The following CCPG1 variants were observed in gnomAD, a reference collection of about 807,000 sequenced individuals.
CCPG1 encodes cell cycle progression 1.
In CCPG1, 46 loss-of-function variants were observed where a neutral mutation model predicts 81.3. The ratio of observed to expected loss-of-function variants is 0.57; its 90% confidence interval spans 0.45 to 0.72. The LOEUF (loss-of-function observed/expected upper bound fraction) is 0.72. Ranked by LOEUF, CCPG1 falls within the 30% of genes least tolerant of loss-of-function variation. The pLI is 0.00. For missense variants in CCPG1, 902 were observed against 937.6 expected (o/e 0.96, Z 0.50); for synonymous variants, 330 against 305.2 (o/e 1.08, Z -0.85).
intron 1 of CCPG1, among the ~76,000 whole-genome samples, chr15:55,393,087 A>G (rs1429592072): frequency 6.7e-6 from 1 of 149,804 alleles, no homozygotes; most frequent in Non-Finnish European, 1.5e-5. Context: ...CTGGGCAACA[A>G]GAGGGAAACT....
At chr15:55,359,343 A>C in intron 8 of CCPG1, 196 bp downstream of exon 8, 4 of 1,327,660 alleles carry the variant, frequency 3.0e-6, no homozygotes, top group Non-Finnish European at 3.8e-6. Context: ...TGATCACGTT[A>C]TAATGAAATG....
intron 6 of CCPG1, among the ~76,000 whole-genome samples, chr15:55,368,836 G>A (rs1234723506): frequency 1.3e-5 from 2 of 152,202 alleles, no homozygotes; most frequent in Non-Finnish European, 2.9e-5. Context: ...AGCGGGCCAG[G>A]CACGGTGGCT....
rs1017699940 is a variant in CCPG1 at position 55,360,125 on chromosome 15, T to C, written c.1648A>G (p.Lys550Glu). Reference sequence around the variant, plus strand: ...GCTTCTTTTGTAGCACCAAATCTTTTATTACCCTTTTCATCAAAGATATTC... The same window carrying C: ...GCTTCTTTTGTAGCACCAAATCTTTCATTACCCTTTTCATCAAAGATATTC... The part of the protein sequence containing the change: ...TKNIFDEKGN[K>E]RFGATKEAAE... The change falls in exon 8 of 9, where the codon AAA (lysine) becomes GAA (glutamate). Residue 550 changes from lysine to glutamate, a missense_variant. Transcript: ENST00000442196. The C allele has an allele frequency of 2.2e-5, 36 of 1,613,830 alleles. No homozygotes were observed. The highest frequency in any genetic ancestry group is 3.3e-4 in the Middle Eastern group (2 of 6,082).
rs890584514 is a variant in CCPG1, at chr15:55,355,811, T to C, written c.*409A>G. ...TGAGTGTAAGATTATAAAATGTTAA[T>C]GATGAAATTCCAGAACAATGTACTT... On this transcript the variant is annotated 3_prime_UTR_variant, in exon 9 of 9. Coordinates refer to ENST00000442196, the MANE Select transcript of CCPG1 (RefSeq NM_001204450.2). 9.0e-6 allele frequency: 2 copies of C among 223,350 alleles called. No homozygotes were observed. The highest frequency in any genetic ancestry group is 2.3e-5 in the African/African-American group (1 of 43,356). 13.8% of individuals were successfully genotyped at this position (223,350 alleles called of 1,614,324 possible).
chr15:55,407,457 A>G (rs897914405), intron 1 of CCPG1, among the ~76,000 whole-genome samples: 2 of 152,194 alleles, frequency 1.3e-5, no homozygotes, highest in African/African-American at 4.8e-5. Context: ...TAAAATTCAT[A>G]GTACTATATA....
intron 4 of CCPG1, among the ~76,000 whole-genome samples, chr15:55,377,586 C>A (rs549914): frequency 0.54 from 82,806 of 152,100 alleles, 23,807 homozygotes; most frequent in African/African-American, 0.72. Context: ...GGTGTCCCCA[C>A]AAATTTCTAC....
chr15:55,405,377 T>G (rs535517446), intron 1 of CCPG1, among the ~76,000 whole-genome samples: 1 of 151,324 alleles, frequency 6.6e-6, no homozygotes, highest in South Asian at 2.1e-4. Flanking sequence ...AAAAATTTAG[T>G]GGGGCATGGT....
rs57419686 is a variant in CCPG1 at position 55,396,154 on chromosome 15, C to CA, written c.-9-6722dup. On this transcript the variant is annotated intron_variant, in intron 1 of 8. Transcript: ENST00000442196. ...GGGCAACAGAGCAAGACTCCACCTC[C>CA]AAAAAAAAAAAAAAAAAAGAACTCA... 1.1e-3 allele frequency among the ~76,000 whole-genome samples: 131 copies of CA among 123,028 alleles called. 1 individual carries two copies. Among genetic ancestry groups the CA allele is most frequent in the Admixed American group, 4.5e-3 (54 of 12,058 alleles). The allele number at this position is 123,028 out of a possible 152,430, so 80.7% of individuals were successfully genotyped here.
At chr15:55,364,114 G>A (rs995212310) in intron 7 of CCPG1, among the ~76,000 whole-genome samples, 3 of 150,316 alleles carry the variant, frequency 2.0e-5, no homozygotes, top group Non-Finnish European at 4.5e-5. Context: ...CCCAGACATA[G>A]CTTATTTTTC....
intron 1 of CCPG1, among the ~76,000 whole-genome samples, chr15:55,395,066 T>C (rs1354075690): frequency 6.6e-6 from 1 of 152,174 alleles, no homozygotes; most frequent in Non-Finnish European, 1.5e-5. Context: ...ATTAAAGCCT[T>C]CTTCCCTGGC....
Position 55,380,298 on chromosome 15 carries a change from T to G in CCPG1, c.176-1922A>C, listed in dbSNP as rs948475530. On this transcript the variant is annotated intron_variant, in intron 3 of 8. Coordinates refer to ENST00000442196, the MANE Select transcript of CCPG1 (RefSeq NM_001204450.2). ...CATGCATTTCTTTTTGTTTTTTTTT[T>G]GTTTTGTTTTGTTTTGAGACGGAGT... Among the ~76,000 whole-genome samples the G allele has an allele frequency of 7.9e-5, 12 of 151,356 alleles. No individual in the cohort carries two copies. The East Asian group carries it at 2.3e-3, about 30-fold the overall frequency.
At chr15:55,403,405 T>TA (rs34854989) in intron 1 of CCPG1, among the ~76,000 whole-genome samples, 12,263 of 143,776 alleles carry the variant, frequency 0.085, 1,216 homozygotes, top group African/African-American at 0.25. Context: ...GATAAGTACT[T>TA]AAAAAAAAAA....
At position 55,385,639 on chromosome 15, in the gene CCPG1, C is replaced by T; in HGVS notation, c.136G>A (p.Glu46Lys). Residue 46 changes from glutamate to lysine, a missense_variant, in exon 3 of 9, where the codon GAG becomes AAG. Glu to Lys is a moderately conservative substitution (Grantham distance 56, BLOSUM62 1). Transcript: ENST00000442196. Reference sequence around the variant, plus strand: ...TGCAATGCTTGAAGCTCCTCTTGCTCTAAAGATGAACATTCTGGGGCGGGC... The same window carrying T: ...TGCAATGCTTGAAGCTCCTCTTGCTTTAAAGATGAACATTCTGGGGCGGGC... ...CEPAPECSSL[E>K]QEELQALQIE... is the part of the protein sequence containing the mutation. 7 of 1,611,268 alleles carry T rather than the reference C, an allele frequency of 4.3e-6. No homozygotes were observed. The highest frequency in any genetic ancestry group is 5.1e-6 in the Non-Finnish European group (6 of 1,178,416).
At chr15:55,376,313 A>G (rs1246532952) in intron 5 of CCPG1, among the ~76,000 whole-genome samples, 1 of 152,242 alleles carries the variant, frequency 6.6e-6, no homozygotes, top group African/African-American at 2.4e-5. Context: ...AGCATAGCAG[A>G]AAGAAATCAA....
chr15:55,355,507 A>T lies in CCPG1; in HGVS notation c.*713T>A, dbSNP rs1038765695. Reference sequence around the variant, plus strand: ...TTAAATACTTCGGTAAACACTGGGTAAGATTCATGGAACTTAGAAAAAAGC... The same window carrying T: ...TTAAATACTTCGGTAAACACTGGGTTAGATTCATGGAACTTAGAAAAAAGC... On this transcript the variant is annotated 3_prime_UTR_variant, in exon 9 of 9. Coordinates refer to ENST00000442196, the MANE Select transcript of CCPG1 (RefSeq NM_001204450.2). 16 of 1,218,218 alleles carry T rather than the reference A, an allele frequency of 1.3e-5. No individual in the cohort carries two copies. The highest frequency in any genetic ancestry group is 1.7e-5 in the Non-Finnish European group (15 of 864,510). The allele number at this position is 1,218,218 out of a possible 1,614,324, so 75.5% of individuals were successfully genotyped here.
chr15:55,362,050 T>C (rs7168869), intron 7 of CCPG1, among the ~76,000 whole-genome samples: 17,957 of 152,184 alleles, frequency 0.12, 1,610 homozygotes, highest in African/African-American at 0.24. Context: ...GTAGAAATCA[T>C]GGTCAATTCG....
intron 3 of CCPG1, among the ~76,000 whole-genome samples, chr15:55,379,285 G>T (rs1386795093): frequency 6.6e-6 from 1 of 151,738 alleles, no homozygotes; most frequent in African/African-American, 2.4e-5. Context: ...ACTTTTGGGA[G>T]GCCAAGGCTG....
intron 6 of CCPG1, among the ~76,000 whole-genome samples, chr15:55,368,329 A>T (rs1195264924): frequency 2.0e-5 from 3 of 152,170 alleles, no homozygotes; most frequent in Non-Finnish European, 2.9e-5. Flanking sequence ...AGGTTATCAG[A>T]TTCTCTGTCG....
In CCPG1 at chr15:55,359,629, T is replaced by C. The variant is rs755753442; in HGVS notation, c.2144A>G (p.Glu715Gly). 1 of 1,613,246 alleles carries C rather than the reference T, an allele frequency of 6.2e-7. No homozygotes were observed. The highest frequency in any genetic ancestry group is 2.2e-5 in the East Asian group (1 of 44,832). ...KDYLRNMKEY[E>G]VDNDGVFEKL... Reference sequence around the variant, plus strand: ...CTCAAATACTCCATCATTATCTACTTCATATTCCTTCATGTTTCTAAGATA... The same window carrying C: ...CTCAAATACTCCATCATTATCTACTCCATATTCCTTCATGTTTCTAAGATA... Residue 715 changes from glutamate to glycine, a missense_variant, in exon 8 of 9, where the codon GAA (glutamate) becomes GGA (glycine). Around this residue, in one of 3 missense-constraint regions of CCPG1, gnomAD observed 128 missense variants for 161.2 expected, o/e 0.79. Coordinates refer to ENST00000442196, the MANE Select transcript of CCPG1 (RefSeq NM_001204450.2).
Sources: allele counts gnomAD v4.1 joint callset (sites outside exome capture counted in the v4.1 genomes callset), GRCh38; gene constraint gnomAD v4.1.1; regional missense constraint gnomAD v4.1.1; transcripts MANE v1.5; gene names NCBI Gene and HGNC (gene_info 2026-07-23, HGNC 2026-07-21).